PCBP3: variants seen among roughly 807,000 people sequenced by gnomAD.
The protein encoded by PCBP3 is poly(rC)-binding protein 3.
PCBP3 carries 25 observed loss-of-function variants against 52.7 expected under a neutral mutation model. The observed-to-expected ratio is 0.47, with a 90% CI of 0.35 to 0.66. The LOEUF (loss-of-function observed/expected upper bound fraction) is 0.66. Among genes scored for constraint, PCBP3 ranks in the 30% least tolerant of loss-of-function variants. The pLI, the probability that PCBP3 is intolerant of heterozygous loss-of-function variation, is 0.01. For synonymous variants in PCBP3, 162 were observed against 183.0 expected (o/e 0.89, Z 0.93); for missense variants, 391 against 490.3 (o/e 0.80, Z 1.91).
chr21:45,845,647 TGTGA>T (rs1021991901), intron 4 of PCBP3, among the ~76,000 whole-genome samples: 6 of 151,680 alleles, frequency 4.0e-5, no homozygotes, highest in Admixed American at 1.3e-4. Context: ...TGTGCACATG[TGTGA>T]GTGTGTGCCT....
At chr21:45,891,440 C>T (rs1303134408) in intron 5 of PCBP3, among the ~76,000 whole-genome samples, 2 of 152,218 alleles carry the variant, frequency 1.3e-5, no homozygotes, top group Non-Finnish European at 2.9e-5. Context: ...TGCTCAGCAG[C>T]GTGGATACAT....
At chr21:45,795,677 G>T (rs2091888938) in intron 4 of PCBP3, among the ~76,000 whole-genome samples, 2 of 152,110 alleles carry the variant, frequency 1.3e-5, no homozygotes, top group Non-Finnish European at 2.9e-5. Flanking sequence ...GACTCTAAAG[G>T]TTAGAGAAAG....
chr21:45,881,127 G>T (rs982645018), intron 5 of PCBP3, among the ~76,000 whole-genome samples: 3 of 152,140 alleles, frequency 2.0e-5, no homozygotes, highest in Non-Finnish European at 4.4e-5. Context: ...AATTTTTATC[G>T]TGAGTTGGTA....
intron 4 of PCBP3, among the ~76,000 whole-genome samples, chr21:45,759,425 G>GT (rs1243446173): frequency 6.6e-6 from 1 of 152,116 alleles, no homozygotes; most frequent in East Asian, 1.9e-4. Flanking sequence ...AACATTCCAT[G>GT]TTTTTTATCT....
At chr21:45,744,551 T>C (rs963201829) in intron 3 of PCBP3, among the ~76,000 whole-genome samples, 1 of 152,208 alleles carries the variant, frequency 6.6e-6, no homozygotes, top group Non-Finnish European at 1.5e-5. Context: ...TAGTACTTAC[T>C]TCAGCATTTT....
At chr21:45,914,587 C>G (rs2096469418) in intron 12 of PCBP3, 1 of 156,600 alleles carries the variant, frequency 6.4e-6, no homozygotes, top group African/African-American at 2.4e-5. Context: ...ACCCAGTCTG[C>G]AGATCTGGCT....
At chr21:45,740,524 C>T (rs2086348028) in intron 3 of PCBP3, among the ~76,000 whole-genome samples, 2 of 152,092 alleles carry the variant, frequency 1.3e-5, no homozygotes, top group Admixed American at 6.6e-5. Context: ...GATGACAGAA[C>T]TTTGAAAGTT....
At chr21:45,861,080 G>A (rs2094493686) in intron 5 of PCBP3, among the ~76,000 whole-genome samples, 1 of 152,166 alleles carries the variant, frequency 6.6e-6, no homozygotes, top group Non-Finnish European at 1.5e-5. Context: ...CCTCTGGGCT[G>A]CTCCTTCCCA....
intron 2 of PCBP3, among the ~76,000 whole-genome samples, chr21:45,672,404 A>G (rs2081228141): frequency 6.6e-6 from 1 of 152,064 alleles, no homozygotes; most frequent in South Asian, 2.1e-4. Context: ...TAGGGGCTGC[A>G]AGATCCCACA....
At chr21:45,706,908 G>A (rs936373836) in intron 2 of PCBP3, among the ~76,000 whole-genome samples, 1 of 152,180 alleles carries the variant, frequency 6.6e-6, no homozygotes, top group African/African-American at 2.4e-5. Flanking sequence ...ATCAAACAAA[G>A]TTCAAGAAAC....
chr21:45,672,207 T>C (rs768458529), intron 2 of PCBP3, among the ~76,000 whole-genome samples: 9 of 152,120 alleles, frequency 5.9e-5, no homozygotes, highest in Non-Finnish European at 1.2e-4. Flanking sequence ...CTGCACCACC[T>C]CAGGACTCTG....
In PCBP3 at chr21:45,742,675, A is replaced by C. The variant is rs144181471; in HGVS notation, c.-162+7246A>C. ...AGTTATTTTTTCTTATATTAGAAACACCATTTATTCAAAATACTTCATTTT... is the reference window on the plus strand; with the variant it reads ...AGTTATTTTTTCTTATATTAGAAACCCCATTTATTCAAAATACTTCATTTT... On this transcript the variant is annotated intron_variant, in intron 3 of 17. Transcript: ENST00000681687. 4.0e-3 allele frequency among the ~76,000 whole-genome samples: 613 copies of C among 152,314 alleles called. 2 individuals carry two copies. The highest frequency in any genetic ancestry group is 6.8e-3 in the Middle Eastern group (2 of 294).
intron 4 of PCBP3, among the ~76,000 whole-genome samples, chr21:45,768,954 G>C (rs948646413): frequency 6.6e-6 from 1 of 152,238 alleles, no homozygotes; most frequent in African/African-American, 2.4e-5. Flanking sequence ...ATGACCGATG[G>C]CAGGAGGTGA....
chr21:45,772,026 G>A (rs183219079), intron 4 of PCBP3, among the ~76,000 whole-genome samples: 1 of 152,218 alleles, frequency 6.6e-6, no homozygotes, highest in East Asian at 1.9e-4. Flanking sequence ...AAATTTATGG[G>A]ACACGTGAAA....
chr21:45,727,700 C>T (rs1177523955), intron 2 of PCBP3, among the ~76,000 whole-genome samples: 1 of 152,036 alleles, frequency 6.6e-6, no homozygotes, highest in Non-Finnish European at 1.5e-5. Flanking sequence ...GGAGTGGCCC[C>T]ATGTGAGAGG....
At position 45,896,247 on chromosome 21, in the gene PCBP3, C is replaced by T. The variant is rs1603474783; in HGVS notation, c.50C>T (p.Thr17Ile). The T allele has an allele frequency of 1.3e-6, 2 of 1,552,160 alleles. No individual in the cohort carries two copies. The highest frequency in any genetic ancestry group is 4.9e-5 in the East Asian group (2 of 40,924). ...FWAPSVLPHS[T>I]LSTLSHHPQP... ...GCCCCATCTGTCCTTCCTCACAGCA[C>T]CCTCAGCACCTTAAGCCACCACCCT... The change falls in exon 6 of 18, where the codon ACC (threonine) becomes ATC (isoleucine). Residue 17 changes from threonine to isoleucine, a missense_variant. Physicochemically the swap from Thr to Ile is moderately conservative, Grantham distance 89. Coordinates refer to ENST00000681687, the MANE Select transcript of PCBP3 (RefSeq NM_001384156.1).
chr21:45,681,749 G>A (rs1310404103), intron 2 of PCBP3, among the ~76,000 whole-genome samples: 1 of 152,038 alleles, frequency 6.6e-6, no homozygotes, highest in African/African-American at 2.4e-5. Context: ...TGGTGTCAGG[G>A]TAATACTAAC....
At chr21:45,882,920 A>G (rs1452214242) in intron 5 of PCBP3, among the ~76,000 whole-genome samples, 1 of 152,106 alleles carries the variant, frequency 6.6e-6, no homozygotes, top group Non-Finnish European at 1.5e-5. Flanking sequence ...GGTCTTTAGT[A>G]TTTCATTCCT....
intron 4 of PCBP3, among the ~76,000 whole-genome samples, chr21:45,815,615 T>G (rs1352144188): frequency 4.5e-5 from 2 of 44,930 alleles, no homozygotes; most frequent in African/African-American, 1.2e-4. Context: ...GAGTGGTGAG[T>G]AGTGAGTGAT....
Sources: gnomAD v4.1 joint callset for allele counts (sites outside exome capture counted in the v4.1 genomes callset) on GRCh38, gnomAD v4.1.1 for gene constraint, MANE v1.5 for transcripts, NCBI Gene and HGNC (gene_info 2026-07-23, HGNC 2026-07-21) for gene names.